Variants in SLC29A1 observed in about 807,000 individuals in gnomAD.
SLC29A1 encodes the protein equilibrative nucleoside transporter 1.
In SLC29A1, 22 loss-of-function variants were observed where a neutral mutation model predicts 48.3. The ratio of observed to expected loss-of-function variants is 0.46; its 90% confidence interval spans 0.33 to 0.65. The LOEUF is 0.65. Ranked by LOEUF, SLC29A1 falls within the 30% of genes least tolerant of loss-of-function variation. The pLI is 0.03. For missense variants in SLC29A1, 491 were observed against 575.3 expected (o/e 0.85, Z 1.50); for synonymous variants, 228 against 231.0 (o/e 0.99, Z 0.12).
At position 44,234,070 on chromosome 6, in the gene SLC29A1, T is replaced by A. The variant is rs72548775; in HGVS notation, c.*542T>A. 2,451 of 152,916 alleles carry A rather than the reference T, an allele frequency of 0.016. 67 individuals are homozygous for A. The highest frequency in any genetic ancestry group is 0.055 in the African/African-American group (2,303 of 41,566). The allele number at this position is 152,916 out of a possible 1,614,324, so 9.5% of individuals were successfully genotyped here. Reference sequence around the variant, plus strand: ...ACAGTTGCCACGTTACTGCCTTTTTTAAAAATATATTTGACAGAAACCAGG... The same window carrying A: ...ACAGTTGCCACGTTACTGCCTTTTTAAAAAATATATTTGACAGAAACCAGG... On this transcript the variant is annotated 3_prime_UTR_variant, in exon 13 of 13. Transcript: ENST00000371755.
Position 44,225,464 on chromosome 6 carries a change from C to T in SLC29A1, c.-51-1799C>T, listed in dbSNP as rs558276099. ...GAATTTGCAGTGAGCCGAGATCATGCCATTGCACTCCAGCCTGGGCAACAG... is the reference window on the plus strand; with the variant it reads ...GAATTTGCAGTGAGCCGAGATCATGTCATTGCACTCCAGCCTGGGCAACAG... On this transcript the variant is annotated intron_variant, in intron 1 of 12. Transcript: ENST00000371755. 5.9e-4 allele frequency among the ~76,000 whole-genome samples: 89 copies of T among 151,106 alleles called. No individual in the cohort carries two copies. The South Asian group carries it at 6.9e-3, about 12-fold the overall frequency.
chr6:44,229,285 C>T lies in SLC29A1; in HGVS notation c.30-105C>T. On this transcript the variant is annotated intron_variant, in intron 2 of 12. Coordinates refer to ENST00000371755, the MANE Select transcript of SLC29A1 (RefSeq NM_001372327.1). This position sits in a 1 kb window ranked among gnomAD's most constrained non-coding sequence, Gnocchi z 5.1. ...GACACAAACACAGACGCCCTGTGCC[C>T]TGGGACCTAGAGAGACTGACAACGG... The T allele has an allele frequency of 1.1e-6, 1 of 878,384 alleles. No homozygotes were observed. The highest frequency in any genetic ancestry group is 2.0e-6 in the Non-Finnish European group (1 of 512,004). 54.4% of individuals were successfully genotyped at this position (878,384 alleles called of 1,614,324 possible). A position where few individuals can be genotyped will look rare whatever the true frequency, so the allele number is the denominator to read the frequency against.
chr6:44,230,906 G>A lies in SLC29A1; in HGVS notation c.766+17G>A. ...TTAGCAAAGGTCCGAAGAGCCTGAG[G>A]AAGCTGGGGTGGAGGATGGTATACC... On this transcript the variant is annotated intron_variant, in intron 8 of 12. Coordinates refer to ENST00000371755, the MANE Select transcript of SLC29A1 (RefSeq NM_001372327.1). The A allele has an allele frequency of 6.2e-7, 1 of 1,603,958 alleles. No homozygotes were observed. Among genetic ancestry groups the A allele is most frequent in the Non-Finnish European group, 8.5e-7 (1 of 1,170,826 alleles).
intron 2 of SLC29A1, among the ~76,000 whole-genome samples, chr6:44,227,921 C>G (rs960333041): frequency 6.6e-6 from 1 of 152,256 alleles, no homozygotes; most frequent in Non-Finnish European, 1.5e-5. Flanking sequence ...GCGTCAGGCT[C>G]TGTCCTGCCC....
At chr6:44,226,722 G>T (rs1442611671) in intron 1 of SLC29A1, 26 of 991,376 alleles carry the variant, frequency 2.6e-5, no homozygotes, top group Non-Finnish European at 3.1e-5. Flanking sequence ...TTGCAGAGAG[G>T]GGCCTGGGGA....
At position 44,232,775 on chromosome 6, in the gene SLC29A1, G is replaced by T. The variant is rs779717695; in HGVS notation, c.1060-32G>T. 6.3e-7 allele frequency: 1 copy of T among 1,597,686 alleles called. No individual in the cohort carries two copies. Among genetic ancestry groups the T allele is most frequent in the Non-Finnish European group, 8.5e-7 (1 of 1,174,878 alleles). ...GGCCTGGCTGTGCCCTGGGGTGGCG[G>T]CCTGGGCTGAGGCCCTGCCTGGTGC... On this transcript the variant is annotated intron_variant, in intron 11 of 12. Coordinates refer to ENST00000371755, the MANE Select transcript of SLC29A1 (RefSeq NM_001372327.1). The surrounding 1 kb of genome is among the most constrained non-coding windows in gnomAD (Gnocchi z 4.7).
chr6:44,223,635 G>A lies in SLC29A1; in HGVS notation c.-58G>A. On this transcript the variant is annotated 5_prime_UTR_variant, in exon 1 of 13. Transcript: ENST00000371755. The surrounding 1 kb of genome is among the most constrained non-coding windows in gnomAD (Gnocchi z 5.0). ...ATCTCAGCGCGGGAGCAGTGCTTCTGCGGCAGGTGCTGCCCGGGGCCGGGG... is the reference window on the plus strand; with the variant it reads ...ATCTCAGCGCGGGAGCAGTGCTTCTACGGCAGGTGCTGCCCGGGGCCGGGG... 4.1e-6 allele frequency: 5 copies of A among 1,208,724 alleles called. No homozygotes were observed. Among genetic ancestry groups the A allele is most frequent in the African/African-American group, 3.3e-5 (2 of 61,300 alleles). 74.9% of individuals were successfully genotyped at this position (1,208,724 alleles called of 1,614,324 possible). A position where few individuals can be genotyped will look rare whatever the true frequency, so the allele number is the denominator to read the frequency against.
At position 44,232,500 on chromosome 6, in the gene SLC29A1, A is replaced by G. The variant is rs1779126378; in HGVS notation, c.1059+72A>G. 3 of 1,000,528 alleles carry G rather than the reference A, an allele frequency of 3.0e-6. No individual in the cohort carries two copies. The highest frequency in any genetic ancestry group is 2.4e-5 in the East Asian group (1 of 42,170). The allele number at this position is 1,000,528 out of a possible 1,614,324, so 62.0% of individuals were successfully genotyped here. Reference sequence around the variant, plus strand: ...CAGCCTGGACCCAGAGAGGGAACCCAAGAAAGTATGGTAGTAAGGGGACCA... The same window carrying G: ...CAGCCTGGACCCAGAGAGGGAACCCGAGAAAGTATGGTAGTAAGGGGACCA... On this transcript the variant is annotated intron_variant, in intron 11 of 12. Coordinates refer to ENST00000371755, the MANE Select transcript of SLC29A1 (RefSeq NM_001372327.1). This position sits in a 1 kb window ranked among gnomAD's most constrained non-coding sequence, Gnocchi z 4.7.
chr6:44,232,040 A>G lies in SLC29A1; in HGVS notation c.907A>G (p.Thr303Ala). The change falls in exon 10 of 13, where the codon ACC (threonine) becomes GCC (alanine). Residue 303 changes from threonine (T) to alanine (A), a missense_variant. Coordinates refer to ENST00000371755, the MANE Select transcript of SLC29A1 (RefSeq NM_001372327.1). This position sits in a 1 kb window ranked among gnomAD's most constrained non-coding sequence, Gnocchi z 4.7. ...AFSVCFIFTITIGMFPAVTVE... is the reference protein window; with the variant it reads ...AFSVCFIFTIAIGMFPAVTVE... ...CTCTGTCTGCTTCATCTTCACTATC[A>G]CCATTGGGATGTTTCCAGCCGTGAC... is the stretch of plus-strand genomic sequence containing the variant. 2.5e-6 allele frequency: 4 copies of G among 1,613,756 alleles called. No homozygotes were observed. Among genetic ancestry groups the G allele is most frequent in the Non-Finnish European group, 3.4e-6 (4 of 1,179,892 alleles).
chr6:44,224,986 GAGCAGGGGTGT>G (rs1777166159), intron 1 of SLC29A1, among the ~76,000 whole-genome samples: 1 of 152,190 alleles, frequency 6.6e-6, no homozygotes, highest in Non-Finnish European at 1.5e-5. Flanking sequence ...AGAACAGAGA[GAGCAGGGGTGT>G]AGCAGGGGGC....
At position 44,229,602 on chromosome 6, in the gene SLC29A1, G is replaced by T. The variant is rs193022001; in HGVS notation, c.125G>T (p.Arg42Leu). 1.7e-5 allele frequency: 28 copies of T among 1,614,068 alleles called. No individual in the cohort carries two copies. Among genetic ancestry groups the T allele is most frequent in the East Asian group, 2.2e-5 (1 of 44,874 alleles). The change falls in exon 4 of 13, where the codon CGC becomes CTC. Residue 42 changes from arginine to leucine, a missense_variant. Transcript: ENST00000371755. This position sits in a 1 kb window ranked among gnomAD's most constrained non-coding sequence, Gnocchi z 5.1. Reference protein sequence around the residue: ...FMTATQYFTNRLDMSQNVSLV... With the variant: ...FMTATQYFTNLLDMSQNVSLV... ...CAACCCCTGCAGTATTTCACAAACCGCCTGGACATGTCCCAGAATGTGTCC... is the reference window on the plus strand; with the variant it reads ...CAACCCCTGCAGTATTTCACAAACCTCCTGGACATGTCCCAGAATGTGTCC...
At chr6:44,221,591 T>C, upstream of SLC29A1, 1 of 1,102,042 alleles carries the variant, frequency 9.1e-7, no homozygotes, top group Non-Finnish European at 1.2e-6. This position sits in a 1 kb window ranked among gnomAD's most constrained non-coding sequence, Gnocchi z 4.2. Flanking sequence ...GACAGGGACC[T>C]GAGGGAGCTC....
Position 44,230,354 on chromosome 6 carries a change from T to G in SLC29A1, c.462T>G (p.Gly154=). 6.2e-7 allele frequency: 1 copy of G among 1,611,594 alleles called. No individual in the cohort carries two copies. Residue 154 remains glycine, a synonymous_variant, in exon 6 of 13, where the codon GGT becomes GGG. Transcript: ENST00000371755. The part of the protein sequence containing the change: ...MIKIVLINSF[G]AILQGSLFGL... Reference sequence around the variant, plus strand: ...CCCGCCCTGTTTCCCCAGCATTTGGTGCCATCCTGCAGGGCAGCCTGTTTG... The same window carrying G: ...CCCGCCCTGTTTCCCCAGCATTTGGGGCCATCCTGCAGGGCAGCCTGTTTG...
At position 44,228,682 on chromosome 6, in the gene SLC29A1, C is replaced by T. The variant is rs1272104740; in HGVS notation, c.30-708C>T. Among the ~76,000 whole-genome samples, 16 of 152,362 alleles carry T rather than the reference C, an allele frequency of 1.1e-4. No individual in the cohort carries two copies. The South Asian group carries it at 3.1e-3, about 30-fold the overall frequency. On this transcript the variant is annotated intron_variant, in intron 2 of 12. Transcript: ENST00000371755. ...CTATCTGGGAGAAGCTGGCGTGACC[C>T]GGAAGGGCCTTGAGGTATAGGGCTT...
In SLC29A1 at chr6:44,233,638, TCTG is replaced by T. The variant is rs1257366796; in HGVS notation, c.*113_*115del. 19 of 848,472 alleles carry T rather than the reference TCTG, an allele frequency of 2.2e-5. No individual in the cohort carries two copies. Among genetic ancestry groups the T allele is most frequent in the Non-Finnish European group, 5.9e-6 (3 of 510,028 alleles). The allele number at this position is 848,472 out of a possible 1,614,324, so 52.6% of individuals were successfully genotyped here. On this transcript the variant is annotated 3_prime_UTR_variant, in exon 13 of 13. Transcript: ENST00000371755. ...TGGCGGTTTTTTCTTCTAACTGACT[TCTG>T]CTTTCCACGGCGTGTGCTGGGCCCG... is the stretch of plus-strand genomic sequence containing the variant.
intron 8 of SLC29A1, 147 bp from the exon 9 acceptor site, chr6:44,231,217 G>A (rs1291596708): frequency 1.6e-6 from 1 of 637,862 alleles, no homozygotes; most frequent in East Asian, 2.7e-5. Context: ...GGATTTGGAG[G>A]CGAGGTCTGG....
chr6:44,224,752 A>G (rs1015253066), intron 1 of SLC29A1, among the ~76,000 whole-genome samples: 1 of 152,186 alleles, frequency 6.6e-6, no homozygotes, highest in Non-Finnish European at 1.5e-5. Flanking sequence ...GTCTGGAGGC[A>G]GGGAGGTACT....
At chr6:44,221,349 C>A (rs1487978984), upstream of SLC29A1, among the ~76,000 whole-genome samples, 1 of 152,178 alleles carries the variant, frequency 6.6e-6, no homozygotes, top group Non-Finnish European at 1.5e-5. This position sits in a 1 kb window ranked among gnomAD's most constrained non-coding sequence, Gnocchi z 4.2. Context: ...GTGCTGGTTA[C>A]CAACCCCCAG....
rs368619176 is a variant in SLC29A1, at chr6:44,224,120, C to T, written c.-52+479C>T. Among the ~76,000 whole-genome samples the T allele has an allele frequency of 3.5e-4, 54 of 152,262 alleles. No individual in the cohort carries two copies. In the East Asian group the frequency reaches 9.4e-3, roughly 27 times the overall value. On this transcript the variant is annotated intron_variant, in intron 1 of 12. Coordinates refer to ENST00000371755, the MANE Select transcript of SLC29A1 (RefSeq NM_001372327.1). ...CTGGCTAAACTCGTATCCCTGGCGTCTCCTTCCTGCGCACGTCTTCATTTA... is the reference window on the plus strand; with the variant it reads ...CTGGCTAAACTCGTATCCCTGGCGTTTCCTTCCTGCGCACGTCTTCATTTA...
Sources: gnomAD v4.1 joint callset for allele counts (sites outside exome capture counted in the v4.1 genomes callset) on GRCh38, gnomAD v4.1.1 for gene constraint, Gnocchi (gnomAD v3.1) non-coding constraint, MANE v1.5 for transcripts, NCBI Gene and HGNC (gene_info 2026-07-23, HGNC 2026-07-21) for gene names.